Variants in SARNP observed in about 807,000 individuals in gnomAD.
SARNP encodes the protein SAP domain containing ribonucleoprotein, also known as SAP domain-containing ribonucleoprotein.
Under a neutral mutation model 38.1 loss-of-function variants are expected in SARNP, and 5 were observed. That is an observed-to-expected ratio of 0.13 (90% confidence interval 0.07 to 0.28). SARNP has a LOEUF of 0.28. Ranked by LOEUF, SARNP falls within the 10% of genes least tolerant of loss-of-function variation. SARNP has a pLI of 1.00. For missense variants in SARNP, 180 were observed against 243.9 expected (o/e 0.74, Z 1.75); for synonymous variants, 84 against 80.6 (o/e 1.04, Z -0.23).
chr12:55,799,918 G>C (rs553293200), intron 4 of SARNP, among the ~76,000 whole-genome samples: 1 of 151,498 alleles, frequency 6.6e-6, no homozygotes, highest in East Asian at 2.0e-4. Context: ...GGCCGGGCAC[G>C]GTGGCTCACA....
Position 55,794,792 on chromosome 12 carries a change from G to A in SARNP, c.377+15C>T. Reference sequence around the variant, plus strand: ...AACACCCCTATCAGAGGCCCAAAAGGCTGGGGACACTCACCTAGCTGCCCG... The same window carrying A: ...AACACCCCTATCAGAGGCCCAAAAGACTGGGGACACTCACCTAGCTGCCCG... On this transcript the variant is annotated intron_variant, in intron 6 of 10. Coordinates refer to ENST00000336133, the MANE Select transcript of SARNP (RefSeq NM_033082.4). The A allele has an allele frequency of 3.2e-6, 5 of 1,558,268 alleles. No individual in the cohort carries two copies. The highest frequency in any genetic ancestry group is 4.4e-6 in the Non-Finnish European group (5 of 1,131,188).
chr12:55,756,373 C>T (rs1020746380), downstream of SARNP: 1 of 152,158 alleles, frequency 6.6e-6, no homozygotes, highest in African/African-American at 2.4e-5. Flanking sequence ...CCCTGCTTTC[C>T]TCACCAACCA....
At chr12:55,767,432 C>G (rs1234024188) in intron 9 of SARNP, among the ~76,000 whole-genome samples, 4 of 152,030 alleles carry the variant, frequency 2.6e-5, no homozygotes, top group South Asian at 2.1e-4. Flanking sequence ...GCCTGTGGTT[C>G]CAGCTACTCG....
intron 9 of SARNP, among the ~76,000 whole-genome samples, chr12:55,781,771 T>C (rs1380641856): frequency 6.6e-6 from 1 of 152,212 alleles, no homozygotes; most frequent in Non-Finnish European, 1.5e-5. Flanking sequence ...CAGGCTGAAA[T>C]GCAGTGATGC....
rs752424258 is a variant in SARNP at position 55,794,905 on chromosome 12, GAA to G, written c.304-27_304-26del. On this transcript the variant is annotated intron_variant, in intron 5 of 10. Coordinates refer to ENST00000336133, the MANE Select transcript of SARNP (RefSeq NM_033082.4). ...TCTAAGTAAAAATAGACAAAAGGGA[GAA>G]AAAAAAGTCAATTTATGGTTTAAGA... The G allele has an allele frequency of 5.1e-6, 5 of 973,132 alleles. No homozygotes were observed. In the South Asian group the frequency reaches 8.0e-5, roughly 15 times the overall value. 60.3% of individuals were successfully genotyped at this position (973,132 alleles called of 1,614,324 possible).
intron 9 of SARNP, among the ~76,000 whole-genome samples, chr12:55,778,860 A>G (rs1879261567): frequency 6.6e-6 from 1 of 152,168 alleles, no homozygotes; most frequent in East Asian, 1.9e-4. Context: ...AATCCAAGCT[A>G]TTCAGGAGGC....
At chr12:55,765,421 T>A (rs971705947) in intron 9 of SARNP, among the ~76,000 whole-genome samples, 1 of 152,124 alleles carries the variant, frequency 6.6e-6, no homozygotes, top group African/African-American at 2.4e-5. Context: ...CATGGCTCAC[T>A]GTAATGTTGA....
Position 55,808,754 on chromosome 12 carries a change from T to C in SARNP, c.37-5026A>G, listed in dbSNP as rs1027703741. On this transcript the variant is annotated intron_variant, in intron 1 of 10. Transcript: ENST00000336133. The stretch of plus-strand genomic sequence containing the variant: ...CCAGCCTGGGCAACACAGCAATACC[T>C]GGCCTCAAAAGAATGAATGAATGAG... 2.4e-4 allele frequency among the ~76,000 whole-genome samples: 36 copies of C among 149,090 alleles called. 1 individual carries two copies. Among genetic ancestry groups the C allele is most frequent in the Non-Finnish European group, 1.0e-4 (7 of 66,852 alleles).
chr12:55,785,982 T>G (rs1398258540), intron 9 of SARNP, among the ~76,000 whole-genome samples: 1 of 152,136 alleles, frequency 6.6e-6, no homozygotes, highest in Non-Finnish European at 1.5e-5. Flanking sequence ...TGCTAGTTAT[T>G]GCTCTAAGTC....
rs190344511 is a variant in SARNP at position 55,808,562 on chromosome 12, G to A, written c.37-4834C>T. Reference sequence around the variant, plus strand: ...TCCACCCGCCTCGGCCTCCCAAAGTGCTGGGATTACAGACATGAGCCACCA... The same window carrying A: ...TCCACCCGCCTCGGCCTCCCAAAGTACTGGGATTACAGACATGAGCCACCA... On this transcript the variant is annotated intron_variant, in intron 1 of 10. Transcript: ENST00000336133. Among the ~76,000 whole-genome samples, 431 of 152,168 alleles carry A rather than the reference G, an allele frequency of 2.8e-3. 4 individuals are homozygous for A. Among genetic ancestry groups the A allele is most frequent in the African/African-American group, 1.0e-2 (414 of 41,514 alleles).
At chr12:55,798,548 A>G (rs147964527) in intron 4 of SARNP, among the ~76,000 whole-genome samples, 4 of 152,304 alleles carry the variant, frequency 2.6e-5, no homozygotes, top group African/African-American at 9.6e-5. Flanking sequence ...AAGATGTTAA[A>G]TGTACATCCT....
chr12:55,804,322 T>C (rs114496607), intron 1 of SARNP, among the ~76,000 whole-genome samples: 57 of 151,344 alleles, frequency 3.8e-4, no homozygotes, highest in African/African-American at 1.3e-3. Flanking sequence ...TCTAAAGATA[T>C]AAAAGCTATG....
intron 9 of SARNP, among the ~76,000 whole-genome samples, chr12:55,768,826 C>A (rs773117565): frequency 6.6e-6 from 1 of 151,864 alleles, no homozygotes. Flanking sequence ...TGGGTTTAAG[C>A]GATTCTCCTG....
At chr12:55,802,006 C>A (rs1416170929) in intron 2 of SARNP, among the ~76,000 whole-genome samples, 1 of 152,102 alleles carries the variant, frequency 6.6e-6, no homozygotes, top group South Asian at 2.1e-4. Context: ...ATTATGGGAA[C>A]CTCAACAGAA....
At chr12:55,810,852 G>A (rs12833291) in intron 1 of SARNP, among the ~76,000 whole-genome samples, 6 of 150,682 alleles carry the variant, frequency 4.0e-5, no homozygotes, top group South Asian at 2.1e-4. Flanking sequence ...CGAGGCGGGC[G>A]GATCACCTGA....
chr12:55,771,886 C>T lies in SARNP; in HGVS notation c.502-11246G>A, dbSNP rs1565672811. Reference sequence around the variant, plus strand: ...TCAGGCGATGGTAGATTAATGATGACACGGCCTTGACTTCCCAGAGGTAAA... The same window carrying T: ...TCAGGCGATGGTAGATTAATGATGATACGGCCTTGACTTCCCAGAGGTAAA... On this transcript the variant is annotated intron_variant, in intron 9 of 10. Transcript: ENST00000336133. 2.0e-5 allele frequency among the ~76,000 whole-genome samples: 3 copies of T among 152,116 alleles called. No individual in the cohort carries two copies. The South Asian group carries it at 6.2e-4, about 32-fold the overall frequency.
chr12:55,777,717 C>G (rs996182729), intron 9 of SARNP, among the ~76,000 whole-genome samples: 8 of 152,114 alleles, frequency 5.3e-5, no homozygotes, highest in African/African-American at 1.9e-4. Flanking sequence ...TCTAACGTCT[C>G]TTGTCCAATT....
intron 10 of SARNP, among the ~76,000 whole-genome samples, chr12:55,758,905 CTT>C (rs1161845803): frequency 5.1e-4 from 69 of 136,602 alleles, no homozygotes; most frequent in Admixed American, 8.2e-4. Flanking sequence ...GCCTAATATA[CTT>C]TTTTTTTTTT....
intron 4 of SARNP, among the ~76,000 whole-genome samples, chr12:55,798,356 G>T (rs1421902426): frequency 1.3e-5 from 2 of 152,118 alleles, no homozygotes; most frequent in African/African-American, 4.8e-5. Flanking sequence ...AAAAAGAGCT[G>T]GGTGTAGTGG....
Sources: gnomAD v4.1 joint callset for allele counts (sites outside exome capture counted in the v4.1 genomes callset) on GRCh38, gnomAD v4.1.1 for gene constraint, MANE v1.5 for transcripts, NCBI Gene and HGNC (gene_info 2026-07-23, HGNC 2026-07-21) for gene names.